PSME3IP1: variants seen among roughly 807,000 people sequenced by gnomAD.
PSME3IP1 encodes PSME3-interacting protein.
In PSME3IP1, 13 loss-of-function variants were observed where a neutral mutation model predicts 34.1. The observed-to-expected ratio is 0.38, with a 90% CI of 0.25 to 0.61. The LOEUF (loss-of-function observed/expected upper bound fraction) is 0.61, where lower values mean the gene tolerates loss of function less well. Ranked by LOEUF, PSME3IP1 falls within the 20% of genes least tolerant of loss-of-function variation. The pLI, the probability that PSME3IP1 is intolerant of heterozygous loss-of-function variation, is 0.60. For synonymous variants in PSME3IP1, 93 were observed against 114.3 expected (o/e 0.81, Z 1.19); for missense variants, 237 against 301.4 (o/e 0.79, Z 1.58).
intron 1 of PSME3IP1, among the ~76,000 whole-genome samples, chr16:57,181,363 T>C (rs1218602562): frequency 6.6e-6 from 1 of 152,052 alleles, no homozygotes; most frequent in Non-Finnish European, 1.5e-5. Flanking sequence ...GAAATAAAAC[T>C]TGCCTGAGGA....
intron 1 of PSME3IP1, chr16:57,178,600 G>A: frequency 1.0e-6 from 1 of 985,296 alleles, no homozygotes; most frequent in South Asian, 4.7e-5. Flanking sequence ...ATAGAGATTG[G>A]TAGCCATCAA....
At chr16:57,162,707 G>A (rs1425579361) in intron 6 of PSME3IP1, among the ~76,000 whole-genome samples, 1 of 150,524 alleles carries the variant, frequency 6.6e-6, no homozygotes, top group African/African-American at 2.4e-5. Flanking sequence ...TTTCCTGTAG[G>A]AGATACCTTA....
intron 4 of PSME3IP1, among the ~76,000 whole-genome samples, chr16:57,169,712 A>T (rs1020928756): frequency 2.0e-5 from 3 of 152,232 alleles, no homozygotes; most frequent in African/African-American, 7.2e-5. Flanking sequence ...GGGGGACACT[A>T]TATGTCTTAT....
At chr16:57,155,997 A>G (rs1421045435) in intron 6 of PSME3IP1, among the ~76,000 whole-genome samples, 1 of 152,158 alleles carries the variant, frequency 6.6e-6, no homozygotes, top group African/African-American at 2.4e-5. Context: ...ACAAACAAAC[A>G]AAACAAAGAA....
chr16:57,157,979 C>T (rs538751556), intron 6 of PSME3IP1, among the ~76,000 whole-genome samples: 2 of 152,178 alleles, frequency 1.3e-5, no homozygotes, highest in African/African-American at 2.4e-5. Flanking sequence ...TCTCCACTAA[C>T]GGTAAGCCCC....
At chr16:57,171,789 G>A (rs999563162) in intron 4 of PSME3IP1, among the ~76,000 whole-genome samples, 6 of 152,236 alleles carry the variant, frequency 3.9e-5, no homozygotes, top group Admixed American at 3.9e-4. Flanking sequence ...AGACATTCAA[G>A]TGGATGACCA....
At chr16:57,166,830 A>C (rs2071933108) in intron 5 of PSME3IP1, among the ~76,000 whole-genome samples, 1 of 152,252 alleles carries the variant, frequency 6.6e-6, no homozygotes, top group African/African-American at 2.4e-5. Flanking sequence ...GATTATGCAC[A>C]GGAAGCACTT....
intron 3 of PSME3IP1, 100 bp from the exon 4 acceptor site, chr16:57,172,472 T>A: frequency 3.5e-6 from 4 of 1,147,252 alleles, no homozygotes; most frequent in East Asian, 2.8e-5. Context: ...TTCAGGGGAT[T>A]AAAAAAAAAA....
intron 1 of PSME3IP1, 114 bp downstream of exon 1, chr16:57,185,707 C>A (rs1175684296): frequency 6.0e-5 from 59 of 985,378 alleles, no homozygotes; most frequent in Non-Finnish European, 7.1e-5. Flanking sequence ...GGAGCGGGTG[C>A]GCGGACTGAG....
At position 57,154,430 on chromosome 16, in the gene PSME3IP1, T is replaced by C. The variant is rs1209759183; in HGVS notation, c.625A>G (p.Ile209Val). The C allele has an allele frequency of 3.1e-6, 5 of 1,613,974 alleles. No individual in the cohort carries two copies. The highest frequency in any genetic ancestry group is 2.2e-5 in the South Asian group (2 of 91,084). ...SIHCPSAAVC[I>V]GILPGLGAYS... is the part of the protein sequence containing the mutation. ...GCACCCAGGCCTGGGAGGATGCCGATACATACTGCAGCAGAGGGGCAGTGG... is the reference window on the plus strand; with the variant it reads ...GCACCCAGGCCTGGGAGGATGCCGACACATACTGCAGCAGAGGGGCAGTGG... Residue 209 changes from isoleucine to valine, a missense_variant, in exon 7 of 7, where the codon ATC (isoleucine) becomes GTC (valine). Physicochemically the swap from Ile to Val is conservative, Grantham distance 29. Coordinates refer to ENST00000309137, the MANE Select transcript of PSME3IP1 (RefSeq NM_024946.4). This position sits in a 1 kb window ranked among gnomAD's most constrained non-coding sequence, Gnocchi z 4.0.
At chr16:57,175,276 G>A (rs1346624767) in intron 1 of PSME3IP1, among the ~76,000 whole-genome samples, 1 of 152,186 alleles carries the variant, frequency 6.6e-6, no homozygotes, top group Non-Finnish European at 1.5e-5. Flanking sequence ...GCCTCCCAAA[G>A]TGCTGGGATT....
Position 57,174,498 on chromosome 16 carries a change from A to T in PSME3IP1, c.-15-629T>A, listed in dbSNP as rs77552940. 4.1e-3 allele frequency: 4,073 copies of T among 985,358 alleles called. 133 individuals are homozygous for T. In the African/African-American group the frequency reaches 0.067, roughly 16 times the overall value. 61.0% of individuals were successfully genotyped at this position (985,358 alleles called of 1,614,324 possible). A position where few individuals can be genotyped will look rare whatever the true frequency, so the allele number is the denominator to read the frequency against. On this transcript the variant is annotated intron_variant, in intron 1 of 6. Transcript: ENST00000309137. The stretch of plus-strand genomic sequence containing the variant: ...TATTTCTCTGTCCCTCTAATCTAGA[A>T]AAATTGGCCTCCTGAGCATCCCATC...
intron 1 of PSME3IP1, among the ~76,000 whole-genome samples, chr16:57,177,527 C>G (rs1395504403): frequency 6.6e-6 from 1 of 151,536 alleles, no homozygotes; most frequent in East Asian, 1.9e-4. Context: ...AACCAGAAAT[C>G]AGTTGGTTAA....
chr16:57,185,343 T>A (rs1285131169), intron 1 of PSME3IP1, among the ~76,000 whole-genome samples: 1 of 152,246 alleles, frequency 6.6e-6, no homozygotes, highest in Non-Finnish European at 1.5e-5. Flanking sequence ...ACGGGCCAGC[T>A]GGCTTGTTTT....
At chr16:57,174,849 T>C (rs1044841415) in intron 1 of PSME3IP1, 6 of 238,872 alleles carry the variant, frequency 2.5e-5, no homozygotes, top group Admixed American at 6.5e-5. Context: ...CTGTGCCATT[T>C]AAGATTTGAA....
intron 4 of PSME3IP1, among the ~76,000 whole-genome samples, chr16:57,171,637 G>A (rs1259021666): frequency 6.6e-6 from 1 of 152,198 alleles, no homozygotes; most frequent in East Asian, 1.9e-4. Flanking sequence ...GGCACCTGGA[G>A]GCATAGGACT....
Position 57,177,228 on chromosome 16 carries a change from C to G in PSME3IP1, c.-15-3359G>C, listed in dbSNP as rs547571035. On this transcript the variant is annotated intron_variant, in intron 1 of 6. Coordinates refer to ENST00000309137, the MANE Select transcript of PSME3IP1 (RefSeq NM_024946.4). ...AACAACAACAACAATAAAAACAAACCCTAGAATTTTACATTTCTACCTAAA... is the reference window on the plus strand; with the variant it reads ...AACAACAACAACAATAAAAACAAACGCTAGAATTTTACATTTCTACCTAAA... Among the ~76,000 whole-genome samples, 17 of 152,086 alleles carry G rather than the reference C, an allele frequency of 1.1e-4. No individual in the cohort carries two copies. In the South Asian group the frequency reaches 3.5e-3, roughly 32 times the overall value.
At chr16:57,178,630 T>A in intron 1 of PSME3IP1, 1 of 985,302 alleles carries the variant, frequency 1.0e-6, no homozygotes, top group Non-Finnish European at 1.2e-6. Context: ...TGCTGAAGTG[T>A]CAGTATCATG....
rs887632289 is a variant in PSME3IP1, at chr16:57,175,235, G to A, written c.-15-1366C>T. On this transcript the variant is annotated intron_variant, in intron 1 of 6. Coordinates refer to ENST00000309137, the MANE Select transcript of PSME3IP1 (RefSeq NM_024946.4). ...TCACTATGTTGGCCAGGCTTGTCTC[G>A]AACTCCTGAACTCGTGATCTGCCCG... is the stretch of plus-strand genomic sequence containing the variant. Among the ~76,000 whole-genome samples, 75 of 152,186 alleles carry A rather than the reference G, an allele frequency of 4.9e-4. 1 individual carries two copies. The Middle Eastern group carries it at 0.01, about 21-fold the overall frequency.
Sources: gnomAD v4.1 joint callset for allele counts (sites outside exome capture counted in the v4.1 genomes callset) on GRCh38, gnomAD v4.1.1 for gene constraint, Gnocchi (gnomAD v3.1) non-coding constraint, MANE v1.5 for transcripts, NCBI Gene and HGNC (gene_info 2026-07-23, HGNC 2026-07-21) for gene names.